The following ARID3C variants were observed in gnomAD, a reference collection of about 807,000 sequenced individuals.
The protein encoded by ARID3C is AT-rich interaction domain 3C, also known as AT-rich interactive domain-containing protein 3C.
Under a neutral mutation model 37.9 loss-of-function variants are expected in ARID3C, and 42 were observed. The observed-to-expected ratio is 1.11, with a 90% confidence interval of 0.87 to 1.43. The LOEUF (loss-of-function observed/expected upper bound fraction) is 1.43. Ranked by LOEUF, ARID3C falls within the 40% of genes most tolerant of loss-of-function variation. The pLI is 0.00. For missense variants in ARID3C, 581 were observed against 548.8 expected, an observed-to-expected ratio of 1.06 and a Z score of -0.59; for synonymous variants, 213 against 228.0, an observed-to-expected ratio of 0.93 and a Z score of 0.59.
chr9:34,623,316 T>G (rs1820602383), intron 4 of ARID3C, 109 bp downstream of exon 5: 1 of 1,323,364 alleles, frequency 7.6e-7, no homozygotes, highest in South Asian at 1.9e-5. Flanking sequence ...ACTGCTCCCA[T>G]ACCTCAATGC....
At chr9:34,632,140 A>G (rs1213605606), upstream of ARID3C, among the ~76,000 whole-genome samples, 4 of 152,238 alleles carry the variant, frequency 2.6e-5, no homozygotes, top group East Asian at 7.7e-4. Context: ...AGCATCAAAA[A>G]TTTTGTGAAG....
chr9:34,623,246 G>A (rs934031428), intron 4 of ARID3C, among the ~76,000 whole-genome samples, 179 bp downstream of exon 5: 1 of 151,150 alleles, frequency 6.6e-6, no homozygotes, highest in Non-Finnish European at 1.5e-5. Context: ...TCATTTGGCC[G>A]CAAACCTCAG....
chr9:34,623,484 G>A lies in ARID3C; in HGVS notation c.806C>T (p.Ser269Phe), dbSNP rs7847086. ...TGCATGCGCTGGCAGGCCGGAGGTG[G>A]AACCCTGGGCTGGGCCAGGGCTGGA... The change falls in exon 4 of 7, where the codon TCC becomes TTC. Residue 269 changes from serine to phenylalanine, a missense_variant. Transcript: ENST00000378909. 3.1e-4 allele frequency: 481 copies of A among 1,541,952 alleles called. 1 individual carries two copies. In the African/African-American group the frequency reaches 6.1e-3, roughly 20 times the overall value.
At chr9:34,622,876 C>T (rs942692139) in intron 4 of ARID3C, among the ~76,000 whole-genome samples, 6 of 152,086 alleles carry the variant, frequency 3.9e-5, no homozygotes, top group Non-Finnish European at 7.4e-5. Flanking sequence ...TGGCCGGGCG[C>T]GGTGACTCAG....
upstream of ARID3C, among the ~76,000 whole-genome samples, chr9:34,632,567 C>G (rs1471549673): frequency 6.6e-6 from 1 of 152,082 alleles, no homozygotes. Context: ...TTGCAATAGT[C>G]TATAGGCAAG....
At chr9:34,627,834 C>T (rs751466709) in exon 1 of ARID3C, 1 of 1,610,460 alleles carries the variant, frequency 6.2e-7, no homozygotes, top group South Asian at 1.1e-5. Flanking sequence ...TCCCGCTTCT[C>T]CTCATCTTCT....
At chr9:34,626,204 A>G (rs1173644359) in intron 1 of ARID3C, among the ~76,000 whole-genome samples, 1 of 152,178 alleles carries the variant, frequency 6.6e-6, no homozygotes, top group Non-Finnish European at 1.5e-5. Context: ...ACAAACATAT[A>G]TCTGATGCTC....
chr9:34,624,141 G>C, intron 2 of ARID3C, 94 bp from the exon 4 acceptor site: 1 of 1,419,558 alleles, frequency 7.0e-7, no homozygotes, highest in Non-Finnish European at 9.3e-7. Context: ...CCCGGGGAGG[G>C]CGGGAAAGAG....
chr9:34,622,198 G>T, intron 5 of ARID3C, 89 bp from the exon 7 acceptor site: 1 of 1,575,850 alleles, frequency 6.3e-7, no homozygotes. Context: ...CCCGTAGACA[G>T]CCCCCATTCC....
chr9:34,627,571 G>A, intron 1 of ARID3C, 126 bp downstream of exon 2: 1 of 818,224 alleles, frequency 1.2e-6, no homozygotes, highest in Non-Finnish European at 1.9e-6. Context: ...AGGTCTCCGT[G>A]TCTCTGTGTC....
intron 1 of ARID3C, among the ~76,000 whole-genome samples, chr9:34,627,296 G>A (rs976680165): frequency 1.3e-5 from 2 of 152,194 alleles, no homozygotes; most frequent in African/African-American, 4.8e-5. Flanking sequence ...CTTGATGTGT[G>A]AGAAGGTAGG....
upstream of ARID3C, among the ~76,000 whole-genome samples, chr9:34,631,973 G>C (rs770655402): frequency 3.3e-5 from 5 of 152,208 alleles, no homozygotes; most frequent in Non-Finnish European, 7.3e-5. Flanking sequence ...GTTTCCCCCA[G>C]AATGATCCAA....
intron 5 of ARID3C, 86 bp downstream of exon 6, chr9:34,622,261 C>T (rs1307933967): frequency 6.4e-7 from 1 of 1,569,194 alleles, no homozygotes; most frequent in Non-Finnish European, 8.7e-7. Flanking sequence ...AATCTGTCTG[C>T]CCCGTCTCTA....
chr9:34,625,862 C>T, intron 1 of ARID3C, 48 bp from the exon 3 acceptor site: 1 of 1,602,422 alleles, frequency 6.2e-7, no homozygotes, highest in Non-Finnish European at 8.5e-7. Flanking sequence ...CTCCCCCTCC[C>T]TCCCTTGACC....
intron 1 of ARID3C, 122 bp from the exon 3 acceptor site, chr9:34,625,936 G>T (rs1820649265): frequency 5.5e-6 from 6 of 1,098,514 alleles, no homozygotes; most frequent in Non-Finnish European, 7.9e-6. Context: ...TCTCAATGTG[G>T]ACTCCCTGGG....
exon 3 of ARID3C, chr9:34,623,891 G>A (rs1820617325): frequency 6.2e-7 from 1 of 1,601,010 alleles, no homozygotes; most frequent in Non-Finnish European, 8.5e-7. Flanking sequence ...GGCGGCCGAG[G>A]TGATGGTGGT....
At position 34,623,352 on chromosome 9, in the gene ARID3C, T is replaced by A. The variant is rs552693900; in HGVS notation, c.865+73A>T. 2.0e-4 allele frequency: 290 copies of A among 1,435,348 alleles called. No homozygotes were observed. The African/African-American group carries it at 3.9e-3, about 19-fold the overall frequency. 88.9% of individuals were successfully genotyped at this position (1,435,348 alleles called of 1,614,324 possible). A position where few individuals can be genotyped will look rare whatever the true frequency, so the allele number is the denominator to read the frequency against. On this transcript the variant is annotated intron_variant, in intron 4 of 6. Transcript: ENST00000378909. ...CTCCCCAGACCTCAATCCTCACATTTTAATGGTTGCTATATCTTAGCGCCC... is the reference window on the plus strand; with the variant it reads ...CTCCCCAGACCTCAATCCTCACATTATAATGGTTGCTATATCTTAGCGCCC...
chr9:34,625,217 C>A (rs897703158), intron 2 of ARID3C, among the ~76,000 whole-genome samples: 3 of 152,146 alleles, frequency 2.0e-5, no homozygotes, highest in Non-Finnish European at 2.9e-5. Context: ...TGCCGCCCAC[C>A]CTGATGCCCT....
chr9:34,623,428 TCTTAATAGGG>T lies in ARID3C; in HGVS notation c.852_861del (p.Ser284ArgfsTer39). The stretch of plus-strand genomic sequence containing the variant: ...CTCTACCATTCTCCCCTCGCACCTT[TCTTAATAGGG>T]CTTGGACTCAGCTGAGCGCATGCAT... On this transcript the variant is annotated frameshift_variant, in exon 4 of 7. Coordinates refer to ENST00000378909, the Ensembl canonical transcript of ARID3C. LOFTEE classifies it high-confidence loss of function. 1 of 1,496,022 alleles carries T rather than the reference TCTTAATAGGG, an allele frequency of 6.7e-7. No individual in the cohort carries two copies. 92.7% of individuals were successfully genotyped at this position (1,496,022 alleles called of 1,614,324 possible).
Sources: gnomAD v4.1 joint callset for allele counts (sites outside exome capture counted in the v4.1 genomes callset) on GRCh38, gnomAD v4.1.1 for gene constraint, MANE v1.5 for transcripts, NCBI Gene and HGNC (gene_info 2026-07-23, HGNC 2026-07-21) for gene names.